SLC25A26: variants seen among roughly 807,000 people sequenced by gnomAD.
SLC25A26 encodes solute carrier family 25 member 26, also known as mitochondrial S-adenosylmethionine carrier protein.
Under a neutral mutation model 37.8 loss-of-function variants are expected in SLC25A26, and 36 were observed. The ratio of observed to expected loss-of-function variants is 0.95; its 90% confidence interval spans 0.73 to 1.26. SLC25A26 has a LOEUF of 1.26. Among genes scored for constraint, SLC25A26 ranks in the 50% most tolerant of loss-of-function variants. SLC25A26 has a pLI of 0.00. For missense variants in SLC25A26, 390 were observed against 331.1 expected (o/e 1.18, Z -1.38); for synonymous variants, 129 against 122.5 (o/e 1.05, Z -0.35).
chr3:66,370,549 T>C lies in SLC25A26; in HGVS notation c.654T>C (p.Asp218=). The change falls in exon 9 of 10, where the codon GAT becomes GAC. Residue 218 remains aspartate (D), a synonymous_variant. Transcript: ENST00000354883. ...CACAGGCTGGCTCCAGCACTGCTGA[T>C]GGGAATGTGCTCTCTGTCCTGCATG... ...TLAKAGSSTA[D]GNVLSVLHGV... 1 of 1,613,920 alleles carries C rather than the reference T, an allele frequency of 6.2e-7. No individual in the cohort carries two copies. Among genetic ancestry groups the C allele is most frequent in the South Asian group, 1.1e-5 (1 of 91,054 alleles).
intron 3 of SLC25A26, among the ~76,000 whole-genome samples, chr3:66,244,738 C>T (rs1016140541): frequency 9.2e-5 from 14 of 151,962 alleles, no homozygotes; most frequent in African/African-American, 3.4e-4. Context: ...TTTGGGAGGT[C>T]AAGGTGGGTG....
At position 66,222,495 on chromosome 3, in the gene SLC25A26, T is replaced by C. The variant is rs1355785360; in HGVS notation, c.33+1368T>C. Reference sequence around the variant, plus strand: ...GGCGCCTGGCCAATGTTACCGCTTTTAAGGAGCTTTCCTGTCTAGCTGGTG... The same window carrying C: ...GGCGCCTGGCCAATGTTACCGCTTTCAAGGAGCTTTCCTGTCTAGCTGGTG... On this transcript the variant is annotated intron_variant, in intron 1 of 9. Transcript: ENST00000354883. 2.0e-5 allele frequency among the ~76,000 whole-genome samples: 3 copies of C among 152,236 alleles called. No individual in the cohort carries two copies. The East Asian group carries it at 5.8e-4, about 29-fold the overall frequency.
intron 2 of SLC25A26, among the ~76,000 whole-genome samples, chr3:66,242,221 G>A (rs2072618920): frequency 6.6e-6 from 1 of 152,138 alleles, no homozygotes; most frequent in African/African-American, 2.4e-5. Context: ...GATGTAGAGT[G>A]GCAGAACTTA....
chr3:66,364,642 T>G (rs1225948248), intron 7 of SLC25A26, among the ~76,000 whole-genome samples: 1 of 152,198 alleles, frequency 6.6e-6, no homozygotes, highest in Non-Finnish European at 1.5e-5. Context: ...GTATGGTCAG[T>G]ACTCTGTACT....
intron 3 of SLC25A26, among the ~76,000 whole-genome samples, chr3:66,257,253 A>G (rs2073339620): frequency 6.7e-6 from 1 of 148,596 alleles, no homozygotes; most frequent in African/African-American, 2.6e-5. Context: ...AAGATACCAT[A>G]AAGATTTCTG....
upstream of SLC25A26, among the ~76,000 whole-genome samples, chr3:66,218,864 G>C (rs990435905): frequency 6.6e-6 from 1 of 152,132 alleles, no homozygotes; most frequent in African/African-American, 2.4e-5. Flanking sequence ...TGGATCCTGC[G>C]GTCATGATCA....
intron 1 of SLC25A26, among the ~76,000 whole-genome samples, chr3:66,173,351 G>C (rs941336256): frequency 3.3e-5 from 5 of 152,128 alleles, no homozygotes; most frequent in African/African-American, 1.2e-4. Flanking sequence ...GGTAGGGTGA[G>C]GGTCCACAGA....
intron 1 of SLC25A26, among the ~76,000 whole-genome samples, chr3:66,209,666 A>G (rs1471709363): frequency 7.2e-6 from 1 of 139,204 alleles, no homozygotes; most frequent in Non-Finnish European, 1.5e-5. Flanking sequence ...ATATATAAAT[A>G]TATATATTTT....
rs1171803836 is a variant in SLC25A26, at chr3:66,341,777, GTATATGCTCTTTTC to G, written c.454-4585_454-4572del. Among the ~76,000 whole-genome samples the G allele has an allele frequency of 2.0e-5, 3 of 152,036 alleles. No individual in the cohort carries two copies. The East Asian group carries it at 5.8e-4, about 29-fold the overall frequency. ...CTTTTAGGTTAATTTCTTTTATTGG[GTATATGCTCTTTTC>G]TTTATGTACGGTGTAAATAAATGAA... is the stretch of plus-strand genomic sequence containing the variant. On this transcript the variant is annotated intron_variant, in intron 5 of 9. Coordinates refer to ENST00000354883, the MANE Select transcript of SLC25A26 (RefSeq NM_001379210.1).
At chr3:66,290,804 G>A (rs2074678858) in intron 5 of SLC25A26, among the ~76,000 whole-genome samples, 4 of 152,110 alleles carry the variant, frequency 2.6e-5, no homozygotes. Context: ...GCCAGGTTTT[G>A]GTATCAGGAT....
intron 1 of SLC25A26, among the ~76,000 whole-genome samples, chr3:66,210,299 T>C (rs2071266981): frequency 6.6e-6 from 1 of 151,846 alleles, no homozygotes; most frequent in South Asian, 2.1e-4. Flanking sequence ...CAATAAGTTC[T>C]GGGGAAAAAA....
intron 5 of SLC25A26, among the ~76,000 whole-genome samples, chr3:66,299,603 T>G (rs2075012816): frequency 6.6e-6 from 1 of 152,240 alleles, no homozygotes; most frequent in Admixed American, 6.5e-5. Flanking sequence ...ATTGCTTCTT[T>G]CACTTTTCTC....
intron 7 of SLC25A26, among the ~76,000 whole-genome samples, chr3:66,363,326 C>A (rs2107809727): frequency 1.3e-5 from 2 of 152,210 alleles, no homozygotes; most frequent in African/African-American, 4.8e-5. Context: ...GGCCATGATT[C>A]ACGGTTTGTG....
chr3:66,135,294 A>T (rs1026198847), intron 1 of SLC25A26, among the ~76,000 whole-genome samples: 24 of 152,306 alleles, frequency 1.6e-4, no homozygotes, highest in Admixed American at 1.6e-3. Flanking sequence ...ATTTACTCCT[A>T]ATCTTTCTGA....
intron 1 of SLC25A26, among the ~76,000 whole-genome samples, chr3:66,177,968 G>T (rs994709259): frequency 2.0e-5 from 3 of 152,186 alleles, no homozygotes; most frequent in African/African-American, 4.8e-5. Context: ...GATATTGTGT[G>T]TGTGTTTGTT....
chr3:66,331,554 C>G (rs1261918650), intron 5 of SLC25A26, among the ~76,000 whole-genome samples: 1 of 151,872 alleles, frequency 6.6e-6, no homozygotes, highest in African/African-American at 2.4e-5. Flanking sequence ...GAATAATTTA[C>G]TTTCTTCATG....
At chr3:66,135,641 C>T (rs1046788841) in intron 1 of SLC25A26, among the ~76,000 whole-genome samples, 22 of 152,130 alleles carry the variant, frequency 1.4e-4, no homozygotes, top group Non-Finnish European at 3.1e-4. Context: ...GTGGCATGTA[C>T]TTGTAATCTC....
chr3:66,269,243 T>A (rs1178883228), intron 5 of SLC25A26, among the ~76,000 whole-genome samples: 1 of 152,188 alleles, frequency 6.6e-6, no homozygotes, highest in African/African-American at 2.4e-5. Flanking sequence ...TGCTTTTAGG[T>A]TGTTGGGTTC....
chr3:66,336,914 CT>C (rs1489113283), intron 5 of SLC25A26, among the ~76,000 whole-genome samples: 1 of 152,024 alleles, frequency 6.6e-6, no homozygotes, highest in Non-Finnish European at 1.5e-5. Flanking sequence ...AAAATTGTTC[CT>C]TTTTAAAACT....
Sources: allele counts gnomAD v4.1 joint callset (sites outside exome capture counted in the v4.1 genomes callset), GRCh38; gene constraint gnomAD v4.1.1; transcripts MANE v1.5; gene names NCBI Gene and HGNC (gene_info 2026-07-23, HGNC 2026-07-21).